The following DNAAF9 variants were observed in gnomAD, a reference collection of about 807,000 sequenced individuals.
DNAAF9 encodes the protein shulin.
Under a neutral mutation model 167.0 loss-of-function variants are expected in DNAAF9, and 90 were observed. That is an observed-to-expected ratio of 0.54 (90% CI 0.45 to 0.64). The LOEUF (loss-of-function observed/expected upper bound fraction) is 0.64, where lower values mean the gene tolerates loss of function less well. Ranked by LOEUF, DNAAF9 falls within the 30% of genes least tolerant of loss-of-function variation. The pLI, the probability that DNAAF9 is intolerant of heterozygous loss-of-function variation, is 0.00. For synonymous variants in DNAAF9, 491 were observed against 508.8 expected (o/e 0.96, Z 0.47); for missense variants, 1,315 against 1,442.2 (o/e 0.91, Z 1.43).
At chr20:3,255,142 G>C in intron 35 of DNAAF9, 77 bp downstream of exon 35, 1 of 863,616 alleles carries the variant, frequency 1.2e-6, no homozygotes, top group South Asian at 1.5e-5. Flanking sequence ...CTCACTCAGA[G>C]AATCCAAAAT....
chr20:3,296,628 G>A, intron 23 of DNAAF9: 1 of 489,116 alleles, frequency 2.0e-6, no homozygotes, highest in Non-Finnish European at 3.6e-6. Flanking sequence ...TCATCCTCCT[G>A]CCTCAGCCTC....
At chr20:3,383,271 C>CTTTTTTTTT (rs11087581) in intron 1 of DNAAF9, among the ~76,000 whole-genome samples, 2 of 114,392 alleles carry the variant, frequency 1.7e-5, no homozygotes, top group Admixed American at 9.7e-5. Context: ...TTCCCTAACA[C>CTTTTTTTTT]TTTTTTTTTT....
chr20:3,346,971 T>C (rs931773496), intron 8 of DNAAF9, among the ~76,000 whole-genome samples: 2 of 152,144 alleles, frequency 1.3e-5, no homozygotes, highest in African/African-American at 4.8e-5. Flanking sequence ...AGCGAAACAC[T>C]TTCCAAACTT....
chr20:3,297,012 A>T (rs1269811129), intron 22 of DNAAF9, 63 bp from the exon 23 acceptor site: 1 of 892,412 alleles, frequency 1.1e-6, no homozygotes, highest in African/African-American at 1.7e-5. Flanking sequence ...TGGAAGCCAC[A>T]TGGGGATTTG....
At chr20:3,360,856 A>G (rs1568627554) in intron 6 of DNAAF9, among the ~76,000 whole-genome samples, 3 of 152,240 alleles carry the variant, frequency 2.0e-5, no homozygotes, top group Non-Finnish European at 4.4e-5. Context: ...GTGTGCTTCC[A>G]AGTGTCTTCA....
chr20:3,386,243 T>C (rs2083734944), intron 1 of DNAAF9, among the ~76,000 whole-genome samples: 1 of 152,184 alleles, frequency 6.6e-6, no homozygotes. Context: ...ACTGCATAGC[T>C]AAAGTAATCA....
At chr20:3,278,268 G>A (rs942003682) in intron 29 of DNAAF9, among the ~76,000 whole-genome samples, 2 of 152,078 alleles carry the variant, frequency 1.3e-5, no homozygotes, top group Non-Finnish European at 2.9e-5. Flanking sequence ...GACAGGTCCC[G>A]CTGGGCCAAA....
chr20:3,321,071 C>A (rs1446993405), intron 16 of DNAAF9, among the ~76,000 whole-genome samples: 3 of 152,174 alleles, frequency 2.0e-5, no homozygotes, highest in African/African-American at 7.2e-5. Flanking sequence ...TGCCATCCCA[C>A]CCCAGGGACC....
At chr20:3,306,704 T>C (rs2069302613) in intron 20 of DNAAF9, among the ~76,000 whole-genome samples, 1 of 152,066 alleles carries the variant, frequency 6.6e-6, no homozygotes, top group Non-Finnish European at 1.5e-5. Flanking sequence ...CCAGCTGTGG[T>C]GAATCTGTAG....
intron 30 of DNAAF9, 69 bp downstream of exon 30, chr20:3,270,358 C>T (rs1287153569): frequency 6.9e-7 from 1 of 1,439,208 alleles, no homozygotes; most frequent in African/African-American, 1.4e-5. Flanking sequence ...TAGAAAGACT[C>T]TGTGGGCCAC....
Position 3,381,539 on chromosome 20 carries a change from C to T in DNAAF9, c.164-41G>A, listed in dbSNP as rs771609840. On this transcript the variant is annotated intron_variant, in intron 2 of 36. Transcript: ENST00000252032. ...GGCTCTGATCAGCTGTACCATACTA[C>T]AGGGAGCAAATGAGCCAATAATTTG... is the stretch of plus-strand genomic sequence containing the variant. 3.2e-6 allele frequency: 5 copies of T among 1,584,738 alleles called. No individual in the cohort carries two copies. In the Admixed American group the frequency reaches 7.4e-5, roughly 24 times the overall value.
intron 35 of DNAAF9, 30 bp downstream of exon 35, chr20:3,255,189 C>T (rs1368235819): frequency 1.2e-5 from 18 of 1,461,862 alleles, no homozygotes; most frequent in East Asian, 2.5e-5. Context: ...CCTGGGCCAC[C>T]GAGGGGAGAA....
chr20:3,370,686 G>A (rs2083495207), intron 6 of DNAAF9, among the ~76,000 whole-genome samples: 2 of 152,140 alleles, frequency 1.3e-5, no homozygotes, highest in South Asian at 4.1e-4. Flanking sequence ...CAGATTACAG[G>A]CTTGAGCCAC....
chr20:3,337,787 T>C (rs1357468504), intron 10 of DNAAF9, among the ~76,000 whole-genome samples: 1 of 151,964 alleles, frequency 6.6e-6, no homozygotes, highest in Non-Finnish European at 1.5e-5. Context: ...TCCTCCCTCC[T>C]GTGTCTTATT....
rs544900650 is a variant in DNAAF9, at chr20:3,333,556, T to A, written c.982-1195A>T. Reference sequence around the variant, plus strand: ...TCTAACTAAGCTATAAAAAAGTTACTAATAGTGAACATCATCAATATTGCC... The same window carrying A: ...TCTAACTAAGCTATAAAAAAGTTACAAATAGTGAACATCATCAATATTGCC... On this transcript the variant is annotated intron_variant, in intron 10 of 36. Coordinates refer to ENST00000252032, the MANE Select transcript of DNAAF9 (RefSeq NM_001009984.3). 7.2e-5 allele frequency among the ~76,000 whole-genome samples: 11 copies of A among 152,352 alleles called. No individual in the cohort carries two copies. The South Asian group carries it at 2.1e-3, about 29-fold the overall frequency.
At chr20:3,337,265 GTTGT>G (rs1411721803) in intron 10 of DNAAF9, among the ~76,000 whole-genome samples, 3 of 146,382 alleles carry the variant, frequency 2.0e-5, no homozygotes, top group African/African-American at 7.7e-5. Flanking sequence ...GCTCACTGAA[GTTGT>G]TTTTTTTTTT....
chr20:3,381,121 A>C (rs1368081130), intron 3 of DNAAF9, among the ~76,000 whole-genome samples: 1 of 152,264 alleles, frequency 6.6e-6, no homozygotes, highest in African/African-American at 2.4e-5. Context: ...GTACTTTGCC[A>C]AACAGAGATA....
intron 7 of DNAAF9, among the ~76,000 whole-genome samples, chr20:3,352,853 T>TAC (rs2070351688): frequency 1.3e-5 from 2 of 148,870 alleles, no homozygotes; most frequent in African/African-American, 2.5e-5. Context: ...TATTTATATA[T>TAC]ATATATATAT....
chr20:3,264,111 A>G (rs1004043910), intron 31 of DNAAF9, among the ~76,000 whole-genome samples: 1 of 152,204 alleles, frequency 6.6e-6, no homozygotes, highest in African/African-American at 2.4e-5. Context: ...CTCACCTGGG[A>G]AAGTTATAGC....
Sources: gnomAD v4.1 joint callset for allele counts (sites outside exome capture counted in the v4.1 genomes callset) on GRCh38, gnomAD v4.1.1 for gene constraint, MANE v1.5 for transcripts, NCBI Gene and HGNC (gene_info 2026-07-23, HGNC 2026-07-21) for gene names.